The following PLEC variants were observed in gnomAD, a reference collection of about 807,000 sequenced individuals.
PLEC encodes hemidesmosomal protein 1.
Under a neutral mutation model 392.8 loss-of-function variants are expected in PLEC, and 216 were observed. The observed-to-expected ratio is 0.55, with a 90% CI of 0.49 to 0.62. The LOEUF (loss-of-function observed/expected upper bound fraction) is 0.62. Among genes scored for constraint, PLEC ranks in the 20% least tolerant of loss-of-function variants. PLEC has a pLI of 0.00. For missense variants in PLEC, 6,863 were observed against 6,563.4 expected (o/e 1.05, Z -1.58); for synonymous variants, 3,621 against 2,980.6 (o/e 1.21, Z -7.00).
In PLEC at chr8:143,934,106, C is replaced by G. The variant is rs1554720283; in HGVS notation, c.1170-15G>C. ...GACACTCCAGCCTGCAGCAGCAGCA[C>G]AGGGAAGGGGCCGCGTTGGCCGGGT... On this transcript the variant is annotated splice_polypyrimidine_tract_variant and intron_variant, in intron 11 of 31. Coordinates refer to ENST00000345136, the MANE Select transcript of PLEC (RefSeq NM_201384.3). 1 of 1,610,064 alleles carries G rather than the reference C, an allele frequency of 6.2e-7. No individual in the cohort carries two copies. Among genetic ancestry groups the G allele is most frequent in the Admixed American group, 1.7e-5 (1 of 59,810 alleles).
In PLEC at chr8:143,923,811, G is replaced by A; in HGVS notation, c.6118C>T (p.Gln2040Ter). The change falls in exon 31 of 32, where the codon CAG becomes TAG. Residue 2040 changes from glutamine (Q) to a stop codon, truncating the protein, a stop_gained. Transcript: ENST00000345136. LOFTEE classifies it high-confidence loss of function. ...TGCAGCCGCTTCTGGGCGGCCTCCTGGGCCAGCTGCAGCTGCCGCGCCGAC... is the reference window on the plus strand; with the variant it reads ...TGCAGCCGCTTCTGGGCGGCCTCCTAGGCCAGCTGCAGCTGCCGCGCCGAC... ...QESARQLQLA[Q>*]EAAQKRLQAE... 6.3e-7 allele frequency: 1 copy of A among 1,581,836 alleles called. No individual in the cohort carries two copies. Among genetic ancestry groups the A allele is most frequent in the South Asian group, 1.1e-5 (1 of 88,718 alleles).
In PLEC at chr8:143,921,127, G is replaced by A. The variant is rs1822508273; in HGVS notation, c.8694C>T (p.Asp2898=). The part of the protein sequence containing the change: ...AAKGGELVYT[D]SEARDVFEKA... ...TCTCAAAGACGTCCCGGGCCTCGGA[G>A]TCAGTGTAGACCAGCTCCCCGCCCT... The change falls in exon 32 of 32, where the codon GAC becomes GAT. Residue 2898 remains aspartate (D), a synonymous_variant. Coordinates refer to ENST00000345136, the MANE Select transcript of PLEC (RefSeq NM_201384.3). 1 of 1,612,964 alleles carries A rather than the reference G, an allele frequency of 6.2e-7. No individual in the cohort carries two copies.
At chr8:143,975,111 A>G, upstream of PLEC, 1 of 1,532,222 alleles carries the variant, frequency 6.5e-7, no homozygotes, top group Non-Finnish European at 8.9e-7. This position sits in a 1 kb window ranked among gnomAD's most constrained non-coding sequence, Gnocchi z 9.9. Context: ...AGCGCCTAGC[A>G]CGCAGCGGGA....
chr8:143,951,694 CTACCGCCCACAGAT>C (rs1832163299), upstream of PLEC, among the ~76,000 whole-genome samples: 1 of 152,176 alleles, frequency 6.6e-6, no homozygotes, highest in Non-Finnish European at 1.5e-5. Context: ...CACCGAGTCC[CTACCGCCCACAGAT>C]GCCCACCCTG....
upstream of PLEC, among the ~76,000 whole-genome samples, chr8:143,953,110 G>A (rs1832366877): frequency 6.9e-6 from 1 of 144,270 alleles, no homozygotes; most frequent in Non-Finnish European, 1.5e-5. Context: ...ACCGCCCCCT[G>A]CCCCCACCCT....
chr8:143,936,443 G>A (rs1464896688), intron 5 of PLEC, among the ~76,000 whole-genome samples: 2 of 152,238 alleles, frequency 1.3e-5, no homozygotes, highest in African/African-American at 4.8e-5. Context: ...AAAGGCTGGG[G>A]GTCGAGCTCC....
rs781942884 is a variant in PLEC, at chr8:143,923,566, T to C, written c.6363A>G (p.Ala2121=). The change falls in exon 31 of 32, where the codon GCA becomes GCG. Residue 2121 remains alanine (A), a synonymous_variant. Transcript: ENST00000345136. ...GAGCCCGGGCCTGTGCCTGCTCCTC[T>C]GCCGACTGCTTCAGCCGCTCGGCCT... ...VEEAERLKQS[A]EEQAQARAQA... 5 of 1,596,542 alleles carry C rather than the reference T, an allele frequency of 3.1e-6. No homozygotes were observed. Among genetic ancestry groups the C allele is most frequent in the Non-Finnish European group, 3.4e-6 (4 of 1,177,770 alleles).
chr8:143,970,324 G>A (rs368188546), intron 1 of PLEC, among the ~76,000 whole-genome samples: 20 of 152,082 alleles, frequency 1.3e-4, no homozygotes, highest in African/African-American at 4.3e-4. Context: ...CAAGCAGGGT[G>A]GAAGTATACA....
chr8:143,950,836 G>T, exon 1 of PLEC: 1 of 1,482,214 alleles, frequency 6.7e-7, no homozygotes, highest in South Asian at 1.3e-5. Flanking sequence ...GCAGGCGGGC[G>T]GGCAGGCAGG....
chr8:143,921,753 G>T lies in PLEC; in HGVS notation c.8068C>A (p.His2690Asn). 1 of 1,612,468 alleles carries T rather than the reference G, an allele frequency of 6.2e-7. No individual in the cohort carries two copies. Residue 2690 changes from histidine (H) to asparagine (N), a missense_variant, in exon 32 of 32, where the codon CAC becomes AAC. Physicochemically the swap from His to Asn is moderately conservative, Grantham distance 68 (BLOSUM62 1). Coordinates refer to ENST00000345136, the MANE Select transcript of PLEC (RefSeq NM_201384.3). ...ATACTGCTGCGGCCCTGCAGGTAGTGGCGCACGTCTTCCCGCCGTGCGAGC... is the reference window on the plus strand; with the variant it reads ...ATACTGCTGCGGCCCTGCAGGTAGTTGCGCACGTCTTCCCGCCGTGCGAGC... ...DELARREDVR[H>N]YLQGRSSIAG...
intron 1 of PLEC, among the ~76,000 whole-genome samples, chr8:143,970,152 AG>A (rs1554743722): frequency 2.6e-5 from 4 of 151,834 alleles, no homozygotes; most frequent in Non-Finnish European, 5.9e-5. Context: ...CCAGCACTGC[AG>A]GGTGTTTGCA....
chr8:143,924,357 C>T lies in PLEC; in HGVS notation c.5572G>A (p.Glu1858Lys), dbSNP rs1379680879. The T allele has an allele frequency of 1.9e-6, 3 of 1,596,996 alleles. No homozygotes were observed. The African/African-American group carries it at 4.0e-5, about 21-fold the overall frequency. ...LKTEAEIALKEKEAENERLRR... is the reference protein window; with the variant it reads ...LKTEAEIALKKKEAENERLRR... ...AGGCGCTCGTTCTCCGCCTCCTTCTCCTTGAGCGCGATCTCCGCCTCCGTC... is the reference window on the plus strand; with the variant it reads ...AGGCGCTCGTTCTCCGCCTCCTTCTTCTTGAGCGCGATCTCCGCCTCCGTC... The change falls in exon 31 of 32, where the codon GAG becomes AAG. Residue 1858 changes from glutamate to lysine, a missense_variant. Coordinates refer to ENST00000345136, the MANE Select transcript of PLEC (RefSeq NM_201384.3).
chr8:143,939,803 GGGGGACCT>G (rs1830098621), upstream of PLEC, among the ~76,000 whole-genome samples: 1 of 137,966 alleles, frequency 7.2e-6, no homozygotes. Flanking sequence ...CAGCCCCCTA[GGGGGACCT>G]GGGGACACGG....
chr8:143,952,218 A>G (rs62523993), upstream of PLEC, among the ~76,000 whole-genome samples: 13 of 90,288 alleles, frequency 1.4e-4, no homozygotes, highest in Non-Finnish European at 3.3e-4. Flanking sequence ...ACGCGCGCAC[A>G]CACGCACGCG....
At chr8:143,938,906 G>A (rs1829801418) in intron 1 of PLEC, among the ~76,000 whole-genome samples, 1 of 152,078 alleles carries the variant, frequency 6.6e-6, no homozygotes, top group South Asian at 2.1e-4. Context: ...GCCACCAGGT[G>A]CAGCCACCCC....
chr8:143,957,467 C>G (rs1832655290), upstream of PLEC, among the ~76,000 whole-genome samples: 1 of 152,226 alleles, frequency 6.6e-6, no homozygotes, highest in African/African-American at 2.4e-5. Context: ...GGGGTGCCAT[C>G]AGGTCTCCTG....
upstream of PLEC, chr8:143,943,980 A>G: frequency 6.5e-7 from 1 of 1,536,632 alleles, no homozygotes; most frequent in Non-Finnish European, 8.7e-7. Context: ...GTGCAGGGCG[A>G]GCGAGGGGGA....
chr8:143,921,123 C>T lies in PLEC; in HGVS notation c.8698G>A (p.Glu2900Lys), dbSNP rs782610157. The change falls in exon 32 of 32, where the codon GAG (glutamate) becomes AAG (lysine). Residue 2900 changes from glutamate (E) to lysine (K), a missense_variant. Glu to Lys is a moderately conservative substitution (Grantham distance 56). Transcript: ENST00000345136. The part of the protein sequence containing the change: ...KGGELVYTDS[E>K]ARDVFEKATV... ...GCCTTCTCAAAGACGTCCCGGGCCTCGGAGTCAGTGTAGACCAGCTCCCCG... is the reference window on the plus strand; with the variant it reads ...GCCTTCTCAAAGACGTCCCGGGCCTTGGAGTCAGTGTAGACCAGCTCCCCG... 10 of 1,612,858 alleles carry T rather than the reference C, an allele frequency of 6.2e-6. No homozygotes were observed. Among genetic ancestry groups the T allele is most frequent in the East Asian group, 2.2e-5 (1 of 44,884 alleles).
upstream of PLEC, among the ~76,000 whole-genome samples, chr8:143,943,280 T>C (rs1439947245): frequency 2.0e-5 from 3 of 152,098 alleles, no homozygotes; most frequent in Admixed American, 2.0e-4. Flanking sequence ...CTGGGCACGG[T>C]TGCCACCTGG....
Sources: gnomAD v4.1 joint callset for allele counts (sites outside exome capture counted in the v4.1 genomes callset) on GRCh38, gnomAD v4.1.1 for gene constraint, Gnocchi (gnomAD v3.1) non-coding constraint, MANE v1.5 for transcripts, NCBI Gene and HGNC (gene_info 2026-07-23, HGNC 2026-07-21) for gene names.